TTC23: variants seen among roughly 807,000 people sequenced by gnomAD.
The protein encoded by TTC23 is tetratricopeptide repeat domain 23, also known as tetratricopeptide repeat protein 23.
In TTC23, 58 loss-of-function variants were observed where a neutral mutation model predicts 55.1. That is an observed-to-expected ratio of 1.05 (90% confidence interval 0.85 to 1.31). The LOEUF (loss-of-function observed/expected upper bound fraction) is 1.31. Ranked by LOEUF, TTC23 falls within the 50% of genes most tolerant of loss-of-function variation. The pLI, the probability that TTC23 is intolerant of heterozygous loss-of-function variation, is 0.00. For synonymous variants in TTC23, 203 were observed against 199.9 expected (o/e 1.02, Z -0.13); for missense variants, 516 against 534.4 (o/e 0.97, Z 0.34).
chr15:99,210,400 G>A (rs894271992), intron 8 of TTC23, among the ~76,000 whole-genome samples: 1 of 152,100 alleles, frequency 6.6e-6, no homozygotes, highest in African/African-American at 2.4e-5. Context: ...TAAGTTAAGA[G>A]CATATCTTCA....
At chr15:99,242,690 C>T (rs2079910337) in intron 2 of TTC23, among the ~76,000 whole-genome samples, 1 of 152,130 alleles carries the variant, frequency 6.6e-6, no homozygotes, top group Non-Finnish European at 1.5e-5. Flanking sequence ...AACATCTGAA[C>T]TCATTAATAT....
chr15:99,200,110 A>C lies in TTC23; in HGVS notation c.582-14T>G. On this transcript the variant is annotated splice_polypyrimidine_tract_variant and intron_variant, in intron 8 of 13. Transcript: ENST00000394132. ...CCTTGATACACCCTAAAAAAATCAAAGGAATTATTTTATTTAATAATTAAA... is the reference window on the plus strand; with the variant it reads ...CCTTGATACACCCTAAAAAAATCAACGGAATTATTTTATTTAATAATTAAA... 1 of 1,561,728 alleles carries C rather than the reference A, an allele frequency of 6.4e-7. No homozygotes were observed. The highest frequency in any genetic ancestry group is 8.6e-7 in the Non-Finnish European group (1 of 1,158,940).
chr15:99,176,246 G>C (rs1596416192), intron 9 of TTC23, among the ~76,000 whole-genome samples: 1 of 152,286 alleles, frequency 6.6e-6, no homozygotes, highest in East Asian at 1.9e-4. Flanking sequence ...GGTGAAGTAA[G>C]ATAATACACT....
intron 5 of TTC23, among the ~76,000 whole-genome samples, chr15:99,224,439 C>T (rs571233724): frequency 5.3e-5 from 8 of 152,228 alleles, no homozygotes; most frequent in South Asian, 2.1e-4. Flanking sequence ...TAACAATTTA[C>T]GAATAACTTC....
intron 9 of TTC23, among the ~76,000 whole-genome samples, chr15:99,187,034 T>C (rs1191975254): frequency 6.6e-6 from 1 of 152,116 alleles, no homozygotes; most frequent in African/African-American, 2.4e-5. Flanking sequence ...GAACAAAAGT[T>C]AGAGATTCAC....
At chr15:99,150,360 TTATTA>T (rs1406733306) in intron 12 of TTC23, among the ~76,000 whole-genome samples, 6 of 152,234 alleles carry the variant, frequency 3.9e-5, no homozygotes, top group Non-Finnish European at 8.8e-5. Flanking sequence ...TGTGCCCTGC[TTATTA>T]GCATTCCCTC....
rs755653462 is a variant in TTC23 at position 99,200,055 on chromosome 15, TG to T, written c.622del (p.His208ThrfsTer24). ...AACATATTCCAAAGCTGCTTGATAG[TG>T]GGACAAAGCTTCTTTTGACTTCTTC... is the stretch of plus-strand genomic sequence containing the variant. ...GQKKSKEALS[H>X]YQAALEYVEI... On this transcript the variant is annotated frameshift_variant, in exon 9 of 14. Transcript: ENST00000394132. LOFTEE classifies it high-confidence loss of function. 1 of 1,612,864 alleles carries T rather than the reference TG, an allele frequency of 6.2e-7. No individual in the cohort carries two copies. The highest frequency in any genetic ancestry group is 1.3e-5 in the African/African-American group (1 of 75,002).
rs544682374 is a variant in TTC23, at chr15:99,210,159, T to C, written c.581+8429A>G. On this transcript the variant is annotated intron_variant, in intron 8 of 13. Transcript: ENST00000394132. The stretch of plus-strand genomic sequence containing the variant: ...ACTAATAACATGTCATTTTAAAACA[T>C]GATTCTATTATTTAAATCATTATTC... Among the ~76,000 whole-genome samples, 7 of 152,228 alleles carry C rather than the reference T, an allele frequency of 4.6e-5. No individual in the cohort carries two copies. The East Asian group carries it at 1.2e-3, about 25-fold the overall frequency.
chr15:99,223,119 G>A (rs189944000), intron 5 of TTC23, among the ~76,000 whole-genome samples: 3 of 152,296 alleles, frequency 2.0e-5, no homozygotes, highest in Admixed American at 2.0e-4. Context: ...CCAATAGAAC[G>A]TGGAGGAAAT....
chr15:99,201,621 A>G (rs1019055216), intron 8 of TTC23, among the ~76,000 whole-genome samples: 2 of 152,216 alleles, frequency 1.3e-5, no homozygotes, highest in African/African-American at 4.8e-5. Context: ...TGAACAGTTT[A>G]TTAATCTGGA....
At chr15:99,138,451 T>C (rs1416619503) in intron 13 of TTC23, among the ~76,000 whole-genome samples, 1 of 152,056 alleles carries the variant, frequency 6.6e-6, no homozygotes, top group Non-Finnish European at 1.5e-5. Flanking sequence ...GTAGCCAGGA[T>C]TACAGGCACA....
At chr15:99,211,240 T>C (rs1305598161) in intron 8 of TTC23, among the ~76,000 whole-genome samples, 1 of 152,086 alleles carries the variant, frequency 6.6e-6, no homozygotes, top group Non-Finnish European at 1.5e-5. Flanking sequence ...CTGGGCGTGG[T>C]GGCACACATG....
At chr15:99,247,970 C>T (rs540573692) in intron 1 of TTC23, among the ~76,000 whole-genome samples, 12 of 152,154 alleles carry the variant, frequency 7.9e-5, no homozygotes, top group Non-Finnish European at 1.8e-4. Flanking sequence ...GAAACCACAA[C>T]GCAGTTTTAT....
chr15:99,229,025 A>G (rs2078712960), intron 4 of TTC23, among the ~76,000 whole-genome samples: 1 of 152,132 alleles, frequency 6.6e-6, no homozygotes, highest in Admixed American at 6.6e-5. Context: ...ACACACATAC[A>G]TACATACGTA....
intron 9 of TTC23, among the ~76,000 whole-genome samples, chr15:99,193,562 T>C (rs1227499246): frequency 6.6e-6 from 1 of 152,238 alleles, no homozygotes; most frequent in Non-Finnish European, 1.5e-5. Flanking sequence ...CATATGGAAC[T>C]GTCAGTCCAA....
intron 13 of TTC23, 36 bp from the exon 14 acceptor site, chr15:99,138,163 C>T: frequency 6.2e-7 from 1 of 1,607,458 alleles, no homozygotes; most frequent in Non-Finnish European, 8.5e-7. Context: ...AGTGTGGTGC[C>T]CCTCAGCCCC....
intron 11 of TTC23, 128 bp downstream of exon 11, chr15:99,161,612 G>T (rs2071386757): frequency 5.8e-6 from 6 of 1,035,590 alleles, no homozygotes; most frequent in Non-Finnish European, 8.1e-6. Flanking sequence ...CCTTATTTAT[G>T]TGTCCCTCTA....
chr15:99,250,897 T>C (rs1023414013), upstream of TTC23, among the ~76,000 whole-genome samples: 9 of 152,260 alleles, frequency 5.9e-5, no homozygotes, highest in African/African-American at 1.9e-4. Context: ...CTAAATAACG[T>C]TGGCTTCGTT....
In TTC23 at chr15:99,156,307, G is replaced by T; in HGVS notation, c.994-10C>A. The stretch of plus-strand genomic sequence containing the variant: ...GGATCGAGGTTGCTCTCTGTGAAAG[G>T]AACAAAAAGCTATCTGGTTAACAAG... On this transcript the variant is annotated splice_polypyrimidine_tract_variant and intron_variant, in intron 11 of 13. Transcript: ENST00000394132. 6.2e-7 allele frequency: 1 copy of T among 1,611,550 alleles called. No homozygotes were observed. The highest frequency in any genetic ancestry group is 2.2e-5 in the East Asian group (1 of 44,864).
Sources: gnomAD v4.1 joint callset for allele counts (sites outside exome capture counted in the v4.1 genomes callset) on GRCh38, gnomAD v4.1.1 for gene constraint, MANE v1.5 for transcripts, NCBI Gene and HGNC (gene_info 2026-07-23, HGNC 2026-07-21) for gene names.